The following IKBKE variants were observed in gnomAD, a reference collection of about 807,000 sequenced individuals.
The protein encoded by IKBKE is inhibitor of nuclear factor kappa B kinase subunit epsilon.
IKBKE carries 45 observed loss-of-function variants against 92.1 expected under a neutral mutation model. The observed-to-expected ratio is 0.49, with a 90% CI of 0.38 to 0.63. The LOEUF is 0.63. Among genes scored for constraint, IKBKE ranks in the 20% least tolerant of loss-of-function variants. The probability of loss-of-function intolerance (pLI) is 0.00; values close to 1 mark genes in which losing one functional copy is unlikely to be tolerated. For synonymous variants in IKBKE, 374 were observed against 380.3 expected (o/e 0.98, Z 0.19); for missense variants, 700 against 932.8 (o/e 0.75, Z 3.25).
At chr1:206,480,138 C>A in intron 12 of IKBKE, 25 bp downstream of exon 12, 1 of 1,510,558 alleles carries the variant, frequency 6.6e-7, no homozygotes, top group Non-Finnish European at 8.9e-7. Context: ...GGGCTGGGCA[C>A]AGAGGGGGAG....
intron 16 of IKBKE, among the ~76,000 whole-genome samples, chr1:206,488,782 A>G (rs553563529): frequency 1.1e-4 from 16 of 152,308 alleles, no homozygotes; most frequent in African/African-American, 3.9e-4. Context: ...CCACTGTCCA[A>G]TAGAAATATA....
chr1:206,478,297 C>G lies in IKBKE; in HGVS notation c.950C>G (p.Ser317Cys), dbSNP rs2103459593. 1 of 1,614,010 alleles carries G rather than the reference C, an allele frequency of 6.2e-7. No homozygotes were observed. The highest frequency in any genetic ancestry group is 8.5e-7 in the Non-Finnish European group (1 of 1,180,034). Residue 317 changes from serine (S) to cysteine (C), a missense_variant, in exon 9 of 22, where the codon TCC (serine) becomes TGC (cysteine). Coordinates refer to ENST00000581977, the MANE Select transcript of IKBKE (RefSeq NM_014002.4). The surrounding 1 kb of genome is among the most constrained non-coding windows in gnomAD (Gnocchi z 4.8). The stretch of plus-strand genomic sequence containing the variant: ...GTTGTCGTCCATGTCTTCTCCCTGT[C>G]CCAGGCAGTCCTGCACCACATCTAT... ...QRVVVHVFSL[S>C]QAVLHHIYIH...
chr1:206,473,988 T>C (rs968931750), intron 3 of IKBKE, among the ~76,000 whole-genome samples: 6 of 140,564 alleles, frequency 4.3e-5, no homozygotes, highest in African/African-American at 1.3e-4. Flanking sequence ...AAAAAAAGAA[T>C]TGGAGCCATA....
At chr1:206,481,968 ACGGGGTTTCAC>A (rs1553387213) in intron 13 of IKBKE, among the ~76,000 whole-genome samples, 2 of 151,006 alleles carry the variant, frequency 1.3e-5, no homozygotes, top group African/African-American at 4.9e-5. Flanking sequence ...TTTAGTAGAG[ACGGGGTTTCAC>A]CGTTTTAGCC....
chr1:206,495,239 C>T (rs2103488768), intron 21 of IKBKE, among the ~76,000 whole-genome samples: 1 of 152,298 alleles, frequency 6.6e-6, no homozygotes, highest in Middle Eastern at 3.4e-3. Context: ...GATTTCAATC[C>T]TGACCCTGCT....
intron 3 of IKBKE, among the ~76,000 whole-genome samples, 156 bp downstream of exon 3, chr1:206,473,470 G>A (rs1553384347): frequency 6.6e-6 from 1 of 152,244 alleles, no homozygotes; most frequent in Non-Finnish European, 1.5e-5. Flanking sequence ...TTGAGCAGAG[G>A]CATAGGGAGC....
chr1:206,491,296 G>A (rs1553390277), intron 17 of IKBKE: 10 of 354,422 alleles, frequency 2.8e-5, no homozygotes, highest in Non-Finnish European at 5.3e-5. Flanking sequence ...CAAGCACCCC[G>A]ACCCCTTTTT....
At chr1:206,491,192 C>T (rs529677883) in intron 17 of IKBKE, 20 of 431,786 alleles carry the variant, frequency 4.6e-5, no homozygotes, top group South Asian at 3.2e-4. Context: ...TGCCTCCCCC[C>T]GCTCCTCTGT....
Position 206,478,109 on chromosome 1 carries a change from G to A in IKBKE, c.813-51G>A, listed in dbSNP as rs1553385920. 6 of 1,526,862 alleles carry A rather than the reference G, an allele frequency of 3.9e-6. No homozygotes were observed. The highest frequency in any genetic ancestry group is 5.4e-6 in the Non-Finnish European group (6 of 1,110,196). 94.6% of individuals were successfully genotyped at this position (1,526,862 alleles called of 1,614,324 possible). On this transcript the variant is annotated intron_variant, in intron 8 of 21. Transcript: ENST00000581977. The surrounding 1 kb of genome is among the most constrained non-coding windows in gnomAD (Gnocchi z 4.8). ...AACGCTCCTATTGCCTGCTTAAGGA[G>A]GATAGGTCTGGGCCCCCACCCCTGA...
At position 206,485,773 on chromosome 1, in the gene IKBKE, G is replaced by A. The variant is rs1204395703; in HGVS notation, c.1616+467G>A. Among the ~76,000 whole-genome samples, 7 of 152,182 alleles carry A rather than the reference G, an allele frequency of 4.6e-5. No homozygotes were observed. Among genetic ancestry groups the A allele is most frequent in the South Asian group, 4.1e-4 (2 of 4,830 alleles). On this transcript the variant is annotated intron_variant, in intron 15 of 21. Coordinates refer to ENST00000581977, the MANE Select transcript of IKBKE (RefSeq NM_014002.4). This position sits in a 1 kb window ranked among gnomAD's most constrained non-coding sequence, Gnocchi z 5.0. Reference sequence around the variant, plus strand: ...CAAATGACAGAGGTGGCTTCAGGTCGGGTCTGTCCACCTCCAAAGCCTATG... The same window carrying A: ...CAAATGACAGAGGTGGCTTCAGGTCAGGTCTGTCCACCTCCAAAGCCTATG...
chr1:206,493,490 C>T, intron 20 of IKBKE, 112 bp downstream of exon 20: 2 of 783,978 alleles, frequency 2.6e-6, no homozygotes, highest in Non-Finnish European at 4.2e-6. Context: ...GCCTAGGAGG[C>T]AAGATTAAAG....
intron 16 of IKBKE, 83 bp downstream of exon 16, chr1:206,488,073 G>A: frequency 9.5e-7 from 1 of 1,058,144 alleles, no homozygotes; most frequent in Non-Finnish European, 1.4e-6. Flanking sequence ...GGTGCTACCA[G>A]TGGCCACTAA....
chr1:206,474,744 G>A (rs1462249500), intron 4 of IKBKE, 121 bp from the exon 5 acceptor site: 7 of 1,225,636 alleles, frequency 5.7e-6, no homozygotes, highest in Non-Finnish European at 4.5e-6. Flanking sequence ...AGGAGGGAAG[G>A]CCAGGCCAGA....
chr1:206,474,510 G>T, intron 4 of IKBKE, 39 bp downstream of exon 4: 2 of 1,577,012 alleles, frequency 1.3e-6, no homozygotes, highest in South Asian at 1.1e-5. Context: ...TCTTGTCCTT[G>T]ACCCTTATGG....
At chr1:206,475,846 G>A (rs1189310694) in intron 5 of IKBKE, among the ~76,000 whole-genome samples, 1 of 151,974 alleles carries the variant, frequency 6.6e-6, no homozygotes, top group African/African-American at 2.4e-5. Context: ...ACTTAAAATT[G>A]GTTAAAATGG....
At chr1:206,488,337 G>A (rs782795419) in intron 16 of IKBKE, among the ~76,000 whole-genome samples, 8 of 152,242 alleles carry the variant, frequency 5.3e-5, no homozygotes, top group Non-Finnish European at 7.3e-5. Flanking sequence ...CACCTTGGCA[G>A]GGCACTTTAA....
chr1:206,492,951 T>C (rs781806414), intron 18 of IKBKE, 72 bp from the exon 19 acceptor site: 74 of 1,332,298 alleles, frequency 5.6e-5, no homozygotes, highest in Non-Finnish European at 7.7e-5. Flanking sequence ...GTGGATCCGA[T>C]GGCAGCTAGG....
intron 21 of IKBKE, among the ~76,000 whole-genome samples, chr1:206,494,373 G>A (rs1196262798): frequency 3.9e-5 from 6 of 152,100 alleles, no homozygotes; most frequent in Non-Finnish European, 8.8e-5. Context: ...AAGCCACAGC[G>A]CAGACACCTT....
chr1:206,470,485 C>G lies in IKBKE; in HGVS notation c.-336C>G, dbSNP rs1330679569. 1 of 152,358 alleles carries G rather than the reference C, an allele frequency of 6.6e-6. No homozygotes were observed. Among genetic ancestry groups the G allele is most frequent in the Non-Finnish European group, 1.5e-5 (1 of 68,132 alleles). 9.4% of individuals were successfully genotyped at this position (152,358 alleles called of 1,614,324 possible). A position where few individuals can be genotyped will look rare whatever the true frequency, so the allele number is the denominator to read the frequency against. ...CTGAGAGCCAGGACTCAGTGCTGAG[C>G]TTGGTGTCCCACCGCCACAAGGAGG... On this transcript the variant is annotated 5_prime_UTR_variant, in exon 1 of 22. Transcript: ENST00000581977.
Sources: allele counts gnomAD v4.1 joint callset (sites outside exome capture counted in the v4.1 genomes callset), GRCh38; gene constraint gnomAD v4.1.1; non-coding constraint Gnocchi (gnomAD v3.1); transcripts MANE v1.5; gene names NCBI Gene and HGNC (gene_info 2026-07-23, HGNC 2026-07-21).